The following FLACC1 variants were observed in gnomAD, a reference collection of about 807,000 sequenced individuals.
FLACC1 encodes flagellum-associated coiled-coil domain-containing protein 1.
In FLACC1, 66 loss-of-function variants were observed where a neutral mutation model predicts 62.8. The ratio of observed to expected loss-of-function variants is 1.05; its 90% confidence interval spans 0.86 to 1.29. FLACC1 has a LOEUF of 1.29. Among genes scored for constraint, FLACC1 ranks in the 50% most tolerant of loss-of-function variants. FLACC1 has a pLI of 0.00. For synonymous variants in FLACC1, 156 were observed against 161.0 expected, an observed-to-expected ratio of 0.97 and a Z score of 0.24; for missense variants, 452 against 489.1, an observed-to-expected ratio of 0.92 and a Z score of 0.71.
Position 201,340,865 on chromosome 2 carries a change from C to T in FLACC1, c.524+1505G>A, listed in dbSNP as rs114244972. 5.4e-3 allele frequency among the ~76,000 whole-genome samples: 822 copies of T among 152,322 alleles called. 1 individual carries two copies. The highest frequency in any genetic ancestry group is 0.01 in the Non-Finnish European group (689 of 68,022). ...CTATTTCTCCCTCAACTGGGGAAGA[C>T]AGCTTTGCTAAGGTATTCTTGGTAG... On this transcript the variant is annotated intron_variant, in intron 7 of 14. Coordinates refer to ENST00000392257, the MANE Select transcript of FLACC1 (RefSeq NM_001127391.3).
intron 7 of FLACC1, among the ~76,000 whole-genome samples, chr2:201,340,335 T>C (rs2125607437): frequency 6.6e-6 from 1 of 152,328 alleles, no homozygotes; most frequent in Middle Eastern, 3.4e-3. Flanking sequence ...TCTTCTTTTG[T>C]GGTTTGATGT....
chr2:201,297,850 A>G (rs1183858543), intron 12 of FLACC1, among the ~76,000 whole-genome samples: 1 of 152,188 alleles, frequency 6.6e-6, no homozygotes, highest in African/African-American at 2.4e-5. Flanking sequence ...CAGGGAGCGG[A>G]GCCCTTAAAT....
At chr2:201,339,698 C>T (rs149849430) in intron 7 of FLACC1, among the ~76,000 whole-genome samples, 11 of 152,072 alleles carry the variant, frequency 7.2e-5, no homozygotes, top group South Asian at 2.1e-4. Flanking sequence ...AATTTCCATG[C>T]GTTTGTATAG....
At chr2:201,333,341 T>C (rs898329852) in intron 7 of FLACC1, among the ~76,000 whole-genome samples, 6 of 152,194 alleles carry the variant, frequency 3.9e-5, no homozygotes, top group Admixed American at 6.5e-5. Context: ...TGTTGGCCAT[T>C]TGTATGTCTT....
intron 1 of FLACC1, among the ~76,000 whole-genome samples, chr2:201,356,604 T>C (rs1951122312): frequency 6.6e-6 from 1 of 152,258 alleles, no homozygotes; most frequent in African/African-American, 2.4e-5. Flanking sequence ...GTTTTGCATA[T>C]AGAACTTAAC....
intron 12 of FLACC1, 184 bp from the exon 13 acceptor site, chr2:201,289,969 C>A: frequency 1.0e-6 from 1 of 989,578 alleles, no homozygotes; most frequent in Non-Finnish European, 1.5e-6. Context: ...TCTCTTCAGC[C>A]TCACCAGAGC....
chr2:201,301,042 C>T (rs1307194910), intron 11 of FLACC1, among the ~76,000 whole-genome samples: 1 of 152,172 alleles, frequency 6.6e-6, no homozygotes, highest in Non-Finnish European at 1.5e-5. Context: ...GAATGCAGCT[C>T]CTCACCAGCA....
intron 12 of FLACC1, among the ~76,000 whole-genome samples, chr2:201,293,447 A>G (rs1380531865): frequency 6.6e-6 from 1 of 152,260 alleles, no homozygotes; most frequent in Non-Finnish European, 1.5e-5. Context: ...AAATGAAGGC[A>G]GAAATAAAGA....
intron 12 of FLACC1, among the ~76,000 whole-genome samples, chr2:201,297,880 T>C (rs1163682937): frequency 6.6e-6 from 1 of 151,966 alleles, no homozygotes; most frequent in African/African-American, 2.4e-5. Flanking sequence ...TCTGAGAAGG[T>C]GGCATTTGAA....
chr2:201,331,982 A>T (rs1559409376), intron 7 of FLACC1, among the ~76,000 whole-genome samples: 2 of 152,134 alleles, frequency 1.3e-5, no homozygotes, highest in African/African-American at 4.8e-5. Context: ...AATCTTTTAT[A>T]CTTTCCCCTC....
At chr2:201,289,590 C>A in intron 13 of FLACC1, 24 bp from the exon 14 acceptor site, 1 of 1,613,394 alleles carries the variant, frequency 6.2e-7, no homozygotes, top group Non-Finnish European at 8.5e-7. Context: ...ATTTTAATAG[C>A]CATCTTCCCC....
Position 201,289,694 on chromosome 2 carries a change from A to G in FLACC1, c.1032+2T>C. The G allele has an allele frequency of 6.2e-7, 1 of 1,613,340 alleles. No homozygotes were observed. Among genetic ancestry groups the G allele is most frequent in the Non-Finnish European group, 8.5e-7 (1 of 1,179,648 alleles). Reference sequence around the variant, plus strand: ...CCCATCCCCACTCCAGTAGGGACTCACCTCTTTCTGGAGTTCCAACTGGGT... The same window carrying G: ...CCCATCCCCACTCCAGTAGGGACTCGCCTCTTTCTGGAGTTCCAACTGGGT... On this transcript the variant is annotated splice_donor_variant, in intron 13 of 14. Transcript: ENST00000392257. LOFTEE classifies it high-confidence loss of function.
intron 11 of FLACC1, among the ~76,000 whole-genome samples, chr2:201,303,575 T>A (rs1377403394): frequency 6.6e-6 from 1 of 152,108 alleles, no homozygotes; most frequent in Non-Finnish European, 1.5e-5. Flanking sequence ...CCTAACTCAT[T>A]TTATGAGGCC....
At chr2:201,304,296 C>T (rs1190922376) in intron 11 of FLACC1, among the ~76,000 whole-genome samples, 1 of 152,062 alleles carries the variant, frequency 6.6e-6, no homozygotes, top group Non-Finnish European at 1.5e-5. Flanking sequence ...AACAGACAAA[C>T]AGAGAGCCAA....
At chr2:201,353,375 T>C (rs1951063477) in intron 1 of FLACC1, among the ~76,000 whole-genome samples, 1 of 152,082 alleles carries the variant, frequency 6.6e-6, no homozygotes, top group African/African-American at 2.4e-5. Context: ...AAAATTAACA[T>C]ACGGAGCACA....
upstream of FLACC1, among the ~76,000 whole-genome samples, chr2:201,358,484 T>C (rs1951152244): frequency 6.8e-6 from 1 of 147,144 alleles, no homozygotes; most frequent in Admixed American, 6.9e-5. Flanking sequence ...TGGCGGGATC[T>C]CGGCTCACTG....
chr2:201,341,502 A>G (rs893961860), intron 7 of FLACC1, among the ~76,000 whole-genome samples: 24 of 150,130 alleles, frequency 1.6e-4, no homozygotes, highest in African/African-American at 5.9e-4. Context: ...CACACTACAC[A>G]AGCATATATA....
At chr2:201,354,374 C>T (rs1397420488) in intron 1 of FLACC1, among the ~76,000 whole-genome samples, 6 of 152,108 alleles carry the variant, frequency 3.9e-5, no homozygotes, top group Admixed American at 2.6e-4. Flanking sequence ...AGAAAGGCAG[C>T]GTGTGCAGGG....
chr2:201,363,218 G>C, the FLACC1 span, among the ~76,000 whole-genome samples: 2 of 151,996 alleles, frequency 1.3e-5, no homozygotes, highest in Non-Finnish European at 2.9e-5. Context: ...CAGATCTCCA[G>C]GTATCTGGAG....
Sources: gnomAD v4.1 joint callset for allele counts (sites outside exome capture counted in the v4.1 genomes callset) on GRCh38, gnomAD v4.1.1 for gene constraint, MANE v1.5 for transcripts, NCBI Gene and HGNC (gene_info 2026-07-23, HGNC 2026-07-21) for gene names.